CELSR2: variants seen among roughly 807,000 people sequenced by gnomAD.
CELSR2 encodes EGF-like protein 2.
A neutral mutation model predicts 251.6 loss-of-function variants in CELSR2; 81 were observed. That is an observed-to-expected ratio of 0.32 (90% CI 0.27 to 0.39). CELSR2 has a LOEUF of 0.39. CELSR2 is among the 10% of genes least tolerant of loss of function. CELSR2 has a pLI of 1.00. For synonymous variants in CELSR2, 1,721 were observed against 1,670.5 expected, an observed-to-expected ratio of 1.03 and a Z score of -0.74; for missense variants, 3,365 against 3,947.7, an observed-to-expected ratio of 0.85 and a Z score of 3.96.
chr1:109,250,016 G>C lies in CELSR2; in HGVS notation c.-64G>C. On this transcript the variant is annotated 5_prime_UTR_variant, in exon 1 of 34. Transcript: ENST00000271332. This position sits in a 1 kb window ranked among gnomAD's most constrained non-coding sequence, Gnocchi z 4.4. ...CCCGGGCATGAGGCGCGGCGGGGCCGGCAGGAGCCGGAGGAGGAGCCGCCG... is the reference window on the plus strand; with the variant it reads ...CCCGGGCATGAGGCGCGGCGGGGCCCGCAGGAGCCGGAGGAGGAGCCGCCG... The C allele has an allele frequency of 8.0e-7, 1 of 1,246,810 alleles. No individual in the cohort carries two copies. The allele number at this position is 1,246,810 out of a possible 1,614,324, so 77.2% of individuals were successfully genotyped here.
At position 109,273,624 on chromosome 1, in the gene CELSR2, A is replaced by G. The variant is rs768442172; in HGVS notation, c.8698A>G (p.Met2900Val). 2.0e-6 allele frequency: 3 copies of G among 1,475,946 alleles called. No homozygotes were observed. Among genetic ancestry groups the G allele is most frequent in the Non-Finnish European group, 2.7e-6 (3 of 1,101,800 alleles). 91.4% of individuals were successfully genotyped at this position (1,475,946 alleles called of 1,614,324 possible). The change falls in exon 33 of 34, where the codon ATG becomes GTG. Residue 2900 changes from methionine to valine, a missense_variant. This residue lies in a region of CELSR2 where 2,093 missense variants were observed against 2,382.8 expected (regional missense o/e 0.88). Transcript: ENST00000271332. ...GCTGAACGGGGTCATGCCCATCGCC[A>G]TGAGCATCAAGGCAGGCACGGTGGA... ...EQLNGVMPIA[M>V]SIKAGTVDED...
At position 109,269,847 on chromosome 1, in the gene CELSR2, G is replaced by C. The variant is rs775021184; in HGVS notation, c.7107+27G>C. ...TCGGGCCCACAGGGGCAGCTGCAGA[G>C]CCGTGGGTGGGCACCCAGGGCACGG... On this transcript the variant is annotated intron_variant, in intron 22 of 33. Coordinates refer to ENST00000271332, the MANE Select transcript of CELSR2 (RefSeq NM_001408.3). This position sits in a 1 kb window ranked among gnomAD's most constrained non-coding sequence, Gnocchi z 6.4. 3 of 1,612,966 alleles carry C rather than the reference G, an allele frequency of 1.9e-6. No individual in the cohort carries two copies. The highest frequency in any genetic ancestry group is 2.5e-6 in the Non-Finnish European group (3 of 1,179,730).
chr1:109,258,630 A>G lies in CELSR2; in HGVS notation c.3509A>G (p.Gln1170Arg). ...GACCACGTGGTGGTCTTCAACGTAC[A>G]GCGGGACACCGACGCCCCCGGGGGC... ...PPDHVVVFNV[Q>R]RDTDAPGGHI... Residue 1170 changes from glutamine to arginine, a missense_variant, in exon 2 of 34, where the codon CAG (glutamine) becomes CGG (arginine). Coordinates refer to ENST00000271332, the MANE Select transcript of CELSR2 (RefSeq NM_001408.3). 1.3e-6 allele frequency: 2 copies of G among 1,563,892 alleles called. No homozygotes were observed. The highest frequency in any genetic ancestry group is 1.7e-6 in the Non-Finnish European group (2 of 1,154,100).
intron 2 of CELSR2, 94 bp downstream of exon 2, chr1:109,259,173 C>G: frequency 1.8e-6 from 2 of 1,139,980 alleles, no homozygotes; most frequent in Non-Finnish European, 2.4e-6. Flanking sequence ...CTGCCTCATT[C>G]TCTTCCCGAG....
intron 12 of CELSR2, 90 bp downstream of exon 12, chr1:109,265,099 C>T: frequency 1.3e-6 from 2 of 1,594,388 alleles, no homozygotes; most frequent in Non-Finnish European, 1.7e-6. Flanking sequence ...CTGGCTGATC[C>T]ACAGCCAGGG....
In CELSR2 at chr1:109,265,826, A is replaced by G. The variant is rs148393417; in HGVS notation, c.5819A>G (p.Asp1940Gly). The G allele has an allele frequency of 2.9e-4, 468 of 1,614,080 alleles. No homozygotes were observed. The African/African-American group carries it at 5.2e-3, about 18-fold the overall frequency. ...TTGTCCAGAGTCTGTGACCCTGAGG[A>G]TGGCCAGTGTCCATGCAAGCCAGGT... ...GSLSRVCDPE[D>G]GQCPCKPGVI... Residue 1940 changes from aspartate to glycine, a missense_variant, in exon 14 of 34, where the codon GAT (aspartate) becomes GGT (glycine). By Grantham distance (94) the Asp-to-Gly change is moderately conservative. Transcript: ENST00000271332.
intron 2 of CELSR2, among the ~76,000 whole-genome samples, 169 bp from the exon 3 acceptor site, chr1:109,260,873 T>C (rs937225104): frequency 3.3e-5 from 5 of 151,878 alleles, no homozygotes; most frequent in Admixed American, 6.6e-5. Context: ...CTGGGGACCA[T>C]AGGTCTCAGA....
rs1186672446 is a variant in CELSR2 at position 109,263,611 on chromosome 1, A to G, written c.4835A>G (p.Glu1612Gly). 1.2e-6 allele frequency: 2 copies of G among 1,613,626 alleles called. No homozygotes were observed. Among genetic ancestry groups the G allele is most frequent in the East Asian group, 2.2e-5 (1 of 44,870 alleles). The change falls in exon 9 of 34, where the codon GAA (glutamate) becomes GGA (glycine). Residue 1612 changes from glutamate (E) to glycine (G), a missense_variant and splice_region_variant. Glu to Gly is a moderately conservative substitution (Grantham distance 98, BLOSUM62 -2). Around this residue, in one of 5 missense-constraint regions of CELSR2, gnomAD observed 2,093 missense variants for 2,382.8 expected, o/e 0.88. Coordinates refer to ENST00000271332, the MANE Select transcript of CELSR2 (RefSeq NM_001408.3). ...LGFGGKSCAQ[E>G]MANPQHFLGS... Reference sequence around the variant, plus strand: ...AGTCTGCCTTTTCCTGCCTCCCCAGAAATGGCCAATCCACAGCACTTCCTG... The same window carrying G: ...AGTCTGCCTTTTCCTGCCTCCCCAGGAATGGCCAATCCACAGCACTTCCTG...
chr1:109,258,683 G>A lies in CELSR2; in HGVS notation c.3562G>A (p.Gly1188Ser). The change falls in exon 2 of 34, where the codon GGC becomes AGC. Residue 1188 changes from glycine (G) to serine (S), a missense_variant. Around this residue, in one of 5 missense-constraint regions of CELSR2, gnomAD observed 2,093 missense variants for 2,382.8 expected, o/e 0.88. Transcript: ENST00000271332. ...GHILNVSLSV[G>S]QPPGPGGGPP... Reference sequence around the variant, plus strand: ...CATCCTCAACGTGAGCCTGTCGGTGGGCCAGCCGCCAGGGCCCGGGGGCGG... The same window carrying A: ...CATCCTCAACGTGAGCCTGTCGGTGAGCCAGCCGCCAGGGCCCGGGGGCGG... 1.3e-6 allele frequency: 2 copies of A among 1,548,408 alleles called. No homozygotes were observed. Among genetic ancestry groups the A allele is most frequent in the Non-Finnish European group, 1.7e-6 (2 of 1,145,384 alleles).
chr1:109,251,109 C>T lies in CELSR2; in HGVS notation c.1030C>T (p.Pro344Ser), dbSNP rs1365258645. 2 of 1,613,264 alleles carry T rather than the reference C, an allele frequency of 1.2e-6. No individual in the cohort carries two copies. The highest frequency in any genetic ancestry group is 1.7e-6 in the Non-Finnish European group (2 of 1,179,806). ...CCCCTCTGAAGTCTTTGAGATCGAC[C>T]CTCGCTCTGGGGTGATCCGAACCCG... is the stretch of plus-strand genomic sequence containing the variant. The part of the protein sequence containing the change: ...GSPSEVFEID[P>S]RSGVIRTRGP... Residue 344 changes from proline to serine, a missense_variant, in exon 1 of 34, where the codon CCT (proline) becomes TCT (serine). By Grantham distance (74) the Pro-to-Ser change is moderately conservative (BLOSUM62 -1). This residue lies in a region of CELSR2 where 704 missense variants were observed against 784.1 expected (regional missense o/e 0.90). Coordinates refer to ENST00000271332, the MANE Select transcript of CELSR2 (RefSeq NM_001408.3). The surrounding 1 kb of genome is among the most constrained non-coding windows in gnomAD (Gnocchi z 4.9).
rs756251037 is a variant in CELSR2 at position 109,264,465 on chromosome 1, G to C, written c.5301G>C (p.Val1767=). 1.2e-6 allele frequency: 2 copies of C among 1,612,912 alleles called. No homozygotes were observed. Among genetic ancestry groups the C allele is most frequent in the African/African-American group, 1.3e-5 (1 of 74,916 alleles). Reference sequence around the variant, plus strand: ...CCTGTCCCTCCCAGGGTGTGCGGGTGAGCGATACGCCGGAGGGGGTTAACA... The same window carrying C: ...CCTGTCCCTCCCAGGGTGTGCGGGTCAGCGATACGCCGGAGGGGGTTAACA... The part of the protein sequence containing the change: ...GFRGCLQGVR[V]SDTPEGVNSL... The change falls in exon 11 of 34, where the codon GTG becomes GTC. Residue 1767 remains valine, a synonymous_variant. Coordinates refer to ENST00000271332, the MANE Select transcript of CELSR2 (RefSeq NM_001408.3).
chr1:109,258,142 A>G (rs1331202314), intron 1 of CELSR2, among the ~76,000 whole-genome samples: 6 of 152,180 alleles, frequency 3.9e-5, no homozygotes, highest in African/African-American at 9.7e-5. Flanking sequence ...CCGCGCAGGC[A>G]GCACAGACTC....
chr1:109,253,902 T>C (rs577456695), intron 1 of CELSR2, among the ~76,000 whole-genome samples: 21 of 152,376 alleles, frequency 1.4e-4, no homozygotes, highest in African/African-American at 4.8e-4. Flanking sequence ...AGTCCTCTTC[T>C]GGCCCCTTTT....
chr1:109,273,767 G>T (rs1421922354), intron 33 of CELSR2, 97 bp downstream of exon 33: 2 of 1,064,136 alleles, frequency 1.9e-6, no homozygotes, highest in Non-Finnish European at 2.7e-6. Flanking sequence ...ACTCTGGATG[G>T]CATTTGGAGG....
At position 109,263,756 on chromosome 1, in the gene CELSR2, G is replaced by A; in HGVS notation, c.4980G>A (p.Gly1660=). 6.2e-7 allele frequency: 1 copy of A among 1,613,530 alleles called. No individual in the cohort carries two copies. The highest frequency in any genetic ancestry group is 1.1e-5 in the South Asian group (1 of 91,080). The change falls in exon 9 of 34, where the codon GGG becomes GGA. Residue 1660 remains glycine, a synonymous_variant. Transcript: ENST00000271332. ...TCCTGCTGCAGGCCATCACCAGGGG[G>A]CGCAGCACCATCACCCTACAGGTGA... is the stretch of plus-strand genomic sequence containing the variant. ...DGVLLQAITR[G]RSTITLQLRE...
intron 16 of CELSR2, 76 bp from the exon 17 acceptor site, chr1:109,267,775 C>T (rs1395309028): frequency 9.6e-6 from 15 of 1,567,476 alleles, no homozygotes; most frequent in Middle Eastern, 1.7e-4. Context: ...CTGGAGAGGC[C>T]GTCTCTCACC....
At position 109,269,175 on chromosome 1, in the gene CELSR2, C is replaced by T. The variant is rs775700610; in HGVS notation, c.6697C>T (p.Arg2233Ter). The T allele has an allele frequency of 3.1e-6, 5 of 1,612,048 alleles. No homozygotes were observed. Among genetic ancestry groups the T allele is most frequent in the Non-Finnish European group, 2.5e-6 (3 of 1,179,450 alleles). ...EAQEPEELAR[R>*]QRRHPELSQG... is the part of the protein sequence containing the mutation. ...CCAGGAGCCAGAGGAGCTGGCACGG[C>T]GACAGCGACGGCACCCGGAGCTGAG... The change falls in exon 20 of 34, where the codon CGA becomes TGA. Residue 2233 changes from arginine (R) to a stop codon, truncating the protein, a stop_gained. Coordinates refer to ENST00000271332, the MANE Select transcript of CELSR2 (RefSeq NM_001408.3). LOFTEE classifies it high-confidence loss of function. The surrounding 1 kb of genome is among the most constrained non-coding windows in gnomAD (Gnocchi z 6.4).
Position 109,268,627 on chromosome 1 carries a change from G to T in CELSR2, c.6365G>T (p.Arg2122Leu). Residue 2122 changes from arginine to leucine, a missense_variant, in exon 18 of 34, where the codon CGG (arginine) becomes CTG (leucine). Coordinates refer to ENST00000271332, the MANE Select transcript of CELSR2 (RefSeq NM_001408.3). Reference sequence around the variant, plus strand: ...GCCCTCCTGGACACAGCCAACAAGCGGCACTGGGAGCTGATCCAGCAGACA... The same window carrying T: ...GCCCTCCTGGACACAGCCAACAAGCTGCACTGGGAGCTGATCCAGCAGACA... ...GSALLDTANK[R>L]HWELIQQTEG... is the part of the protein sequence containing the mutation. The T allele has an allele frequency of 6.2e-7, 1 of 1,613,816 alleles. No homozygotes were observed.
intron 17 of CELSR2, 109 bp from the exon 18 acceptor site, chr1:109,268,472 G>T: frequency 7.3e-7 from 1 of 1,378,910 alleles, no homozygotes. Flanking sequence ...AGCACAGAGG[G>T]AGGGGCCTGG....
Sources: allele counts gnomAD v4.1 joint callset (sites outside exome capture counted in the v4.1 genomes callset), GRCh38; gene constraint gnomAD v4.1.1; regional missense constraint gnomAD v4.1.1; non-coding constraint Gnocchi (gnomAD v3.1); transcripts MANE v1.5; gene names NCBI Gene and HGNC (gene_info 2026-07-23, HGNC 2026-07-21).